The following GAB2 variants were observed in gnomAD, a reference collection of about 807,000 sequenced individuals.
GAB2 encodes GRB2 associated binding protein 2.
Under a neutral mutation model 65.5 loss-of-function variants are expected in GAB2, and 26 were observed. The ratio of observed to expected loss-of-function variants is 0.40; its 90% CI spans 0.29 to 0.55. The LOEUF is 0.55. Ranked by LOEUF, GAB2 falls within the 20% of genes least tolerant of loss-of-function variation. The probability of loss-of-function intolerance (pLI) is 0.53; values close to 1 mark genes in which losing one functional copy is unlikely to be tolerated. For synonymous variants in GAB2, 321 were observed against 329.6 expected (o/e 0.97, Z 0.28); for missense variants, 884 against 875.8 (o/e 1.01, Z -0.12).
At chr11:78,254,827 A>G (rs1003050494) in intron 2 of GAB2, among the ~76,000 whole-genome samples, 1 of 151,766 alleles carries the variant, frequency 6.6e-6, no homozygotes, top group African/African-American at 2.4e-5. Context: ...AAAGAAAAAA[A>G]AAAGTATGTA....
At chr11:78,299,886 T>C (rs1866944249) in intron 1 of GAB2, among the ~76,000 whole-genome samples, 1 of 152,238 alleles carries the variant, frequency 6.6e-6, no homozygotes. Flanking sequence ...GAATTCAGTA[T>C]ACAGAATTAA....
intron 1 of GAB2, among the ~76,000 whole-genome samples, chr11:78,412,856 G>C (rs1015183425): frequency 2.0e-5 from 3 of 152,200 alleles, no homozygotes; most frequent in Non-Finnish European, 2.9e-5. Flanking sequence ...CTGGTACAAA[G>C]TAAGTGCTCA....
chr11:78,334,089 AT>A (rs150195329), intron 1 of GAB2, among the ~76,000 whole-genome samples: 1 of 151,988 alleles, frequency 6.6e-6, no homozygotes, highest in Non-Finnish European at 1.5e-5. Context: ...ACTAATAATA[AT>A]TTTTTTGATG....
At chr11:78,332,719 G>A (rs1286017273) in intron 1 of GAB2, among the ~76,000 whole-genome samples, 1 of 152,198 alleles carries the variant, frequency 6.6e-6, no homozygotes, top group East Asian at 1.9e-4. Context: ...GCTCTGGCTT[G>A]AACAGTAGGG....
intron 1 of GAB2, among the ~76,000 whole-genome samples, chr11:78,381,862 G>A (rs1156536944): frequency 6.6e-6 from 1 of 152,176 alleles, no homozygotes; most frequent in Non-Finnish European, 1.5e-5. Context: ...CATATGTGAG[G>A]TCAGGCCATT....
Position 78,311,539 on chromosome 11 carries a change from G to A in GAB2, c.76-30638C>T, listed in dbSNP as rs139246243. ...CATTTGAACTGGGCTTCAAACATAC[G>A]GTTAGGATAGTAAATGCATTACACC... On this transcript the variant is annotated intron_variant, in intron 1 of 9. Coordinates refer to ENST00000361507, the MANE Select transcript of GAB2 (RefSeq NM_080491.3). Among the ~76,000 whole-genome samples, 27 of 152,128 alleles carry A rather than the reference G, an allele frequency of 1.8e-4. 1 individual carries two copies. Among genetic ancestry groups the A allele is most frequent in the African/African-American group, 5.1e-4 (21 of 41,508 alleles).
intron 1 of GAB2, among the ~76,000 whole-genome samples, chr11:78,321,495 G>A (rs561167296): frequency 3.9e-5 from 6 of 152,300 alleles, no homozygotes; most frequent in East Asian, 1.9e-4. Flanking sequence ...CCACAGCAGC[G>A]TGGAGTGCAG....
At chr11:78,244,691 G>A (rs1293001467) in intron 3 of GAB2, among the ~76,000 whole-genome samples, 2 of 122,440 alleles carry the variant, frequency 1.6e-5, no homozygotes, top group African/African-American at 3.1e-5. Flanking sequence ...AAAAAAGCTT[G>A]CCGTCTCACT....
chr11:78,358,783 A>G (rs73500964), intron 1 of GAB2, among the ~76,000 whole-genome samples: 3,761 of 152,298 alleles, frequency 0.025, 125 homozygotes, highest in African/African-American at 0.079. Flanking sequence ...CAGCCAGGAA[A>G]AACTGATGAC....
At chr11:78,263,871 C>G (rs546845652) in intron 2 of GAB2, among the ~76,000 whole-genome samples, 2 of 150,654 alleles carry the variant, frequency 1.3e-5, no homozygotes, top group African/African-American at 4.9e-5. Context: ...TGCCTAGTCA[C>G]CTGGGCAAGG....
At chr11:78,309,963 T>C (rs866177056) in intron 1 of GAB2, among the ~76,000 whole-genome samples, 2 of 115,558 alleles carry the variant, frequency 1.7e-5, no homozygotes, top group African/African-American at 6.3e-5. Flanking sequence ...TGTGTGTGTG[T>C]GTGTGTGTGC....
At chr11:78,302,099 C>G (rs1565150475) in intron 1 of GAB2, among the ~76,000 whole-genome samples, 2 of 152,104 alleles carry the variant, frequency 1.3e-5, no homozygotes, top group Non-Finnish European at 2.9e-5. Context: ...ATTAAGATAA[C>G]AGAAGAAAAA....
chr11:78,317,172 T>G (rs1455123141), intron 1 of GAB2, among the ~76,000 whole-genome samples: 1 of 152,186 alleles, frequency 6.6e-6, no homozygotes. Context: ...GGGTATAGTT[T>G]CAGTTTGGGA....
chr11:78,279,245 A>C (rs1283760612), intron 2 of GAB2, among the ~76,000 whole-genome samples: 1 of 152,206 alleles, frequency 6.6e-6, no homozygotes, highest in East Asian at 1.9e-4. Context: ...TGCAGAGCCC[A>C]GTGTAAAATG....
chr11:78,349,832 T>C (rs1856247683), intron 1 of GAB2, among the ~76,000 whole-genome samples: 1 of 151,636 alleles, frequency 6.6e-6, no homozygotes, highest in African/African-American at 2.4e-5. Context: ...AACTTTTGGC[T>C]CCTCCATGTT....
At chr11:78,323,259 C>G (rs988751463) in intron 1 of GAB2, among the ~76,000 whole-genome samples, 12 of 152,136 alleles carry the variant, frequency 7.9e-5, no homozygotes, top group African/African-American at 2.7e-4. Flanking sequence ...TCTGTAATCC[C>G]TGCACTTTGG....
chr11:78,292,003 G>GGTGT (rs71877307), intron 1 of GAB2, among the ~76,000 whole-genome samples: 12 of 147,794 alleles, frequency 8.1e-5, no homozygotes, highest in African/African-American at 2.0e-4. Context: ...GGTGTGTAGG[G>GGTGT]GTGTGTGTGT....
intron 1 of GAB2, among the ~76,000 whole-genome samples, chr11:78,325,356 G>A (rs1855804120): frequency 6.6e-6 from 1 of 152,288 alleles, no homozygotes; most frequent in Non-Finnish European, 1.5e-5. Context: ...TGAAAAAACA[G>A]AGGCCCAGAG....
intron 3 of GAB2, among the ~76,000 whole-genome samples, chr11:78,235,757 A>G (rs1864962747): frequency 6.6e-6 from 1 of 152,180 alleles, no homozygotes. Flanking sequence ...TATTGTCCAT[A>G]TCGCTATCAG....
Sources: allele counts gnomAD v4.1 joint callset (sites outside exome capture counted in the v4.1 genomes callset), GRCh38; gene constraint gnomAD v4.1.1; transcripts MANE v1.5; gene names NCBI Gene and HGNC (gene_info 2026-07-23, HGNC 2026-07-21).